PKHD1: variants seen among roughly 807,000 people sequenced by gnomAD.
PKHD1 encodes the protein fibrocystin.
In PKHD1, 291 loss-of-function variants were observed where a neutral mutation model predicts 412.0. The observed-to-expected ratio is 0.71, with a 90% CI of 0.64 to 0.78. The LOEUF (loss-of-function observed/expected upper bound fraction) is 0.78, where lower values mean the gene tolerates loss of function less well. Among genes scored for constraint, PKHD1 ranks in the 30% least tolerant of loss-of-function variants. PKHD1 has a pLI of 0.00. For missense variants in PKHD1, 4,825 were observed against 4,950.7 expected, an observed-to-expected ratio of 0.97 and a Z score of 0.76; for synonymous variants, 1,777 against 1,821.5, an observed-to-expected ratio of 0.98 and a Z score of 0.62.
chr6:51,916,263 A>G (rs1315032302), intron 37 of PKHD1, among the ~76,000 whole-genome samples: 1 of 152,182 alleles, frequency 6.6e-6, no homozygotes, highest in African/African-American at 2.4e-5. Context: ...TCAGATATAT[A>G]CCCAAGTGAG....
intron 60 of PKHD1, among the ~76,000 whole-genome samples, chr6:51,724,427 T>C (rs1355826569): frequency 6.6e-6 from 1 of 152,214 alleles, no homozygotes; most frequent in Non-Finnish European, 1.5e-5. Flanking sequence ...TCTTTGAATC[T>C]GATATTCTCT....
chr6:51,867,846 T>G lies in PKHD1; in HGVS notation c.7733+17A>C. The stretch of plus-strand genomic sequence containing the variant: ...ATGCCCATCGGCAAGCTAAAAAGTA[T>G]AGTTAATTCCACTTACAAACCAATA... On this transcript the variant is annotated intron_variant, in intron 48 of 66. Coordinates refer to ENST00000371117, the MANE Select transcript of PKHD1 (RefSeq NM_138694.4). 1 of 1,611,232 alleles carries G rather than the reference T, an allele frequency of 6.2e-7. No individual in the cohort carries two copies. The highest frequency in any genetic ancestry group is 1.1e-5 in the South Asian group (1 of 90,990).
In PKHD1 at chr6:51,617,783, G is replaced by A. The variant is rs1409694825; in HGVS notation, c.*1298C>T. 1 of 152,148 alleles carries A rather than the reference G, an allele frequency of 6.6e-6. No individual in the cohort carries two copies. The highest frequency in any genetic ancestry group is 1.5e-5 in the Non-Finnish European group (1 of 68,042). 9.4% of individuals were successfully genotyped at this position (152,148 alleles called of 1,614,324 possible). Reference sequence around the variant, plus strand: ...CAGTACTTCTCATAGAACTAATTCAGGGCATCATTATTTAGAATTCAGCAA... The same window carrying A: ...CAGTACTTCTCATAGAACTAATTCAAGGCATCATTATTTAGAATTCAGCAA... On this transcript the variant is annotated 3_prime_UTR_variant, in exon 67 of 67. Coordinates refer to ENST00000371117, the MANE Select transcript of PKHD1 (RefSeq NM_138694.4).
At chr6:51,929,413 T>G (rs562994620) in intron 37 of PKHD1, among the ~76,000 whole-genome samples, 2 of 152,314 alleles carry the variant, frequency 1.3e-5, no homozygotes, top group South Asian at 4.1e-4. Flanking sequence ...ATATAACAGA[T>G]AAAAGCAATA....
intron 55 of PKHD1, among the ~76,000 whole-genome samples, chr6:51,757,980 C>T (rs1258399717): frequency 6.9e-6 from 1 of 144,482 alleles, no homozygotes. Context: ...CACTGTACTC[C>T]AGCAGCCTGG....
intron 22 of PKHD1, among the ~76,000 whole-genome samples, chr6:52,049,483 C>A (rs1438914369): frequency 6.6e-6 from 1 of 152,048 alleles, no homozygotes; most frequent in African/African-American, 2.4e-5. Flanking sequence ...TATCCCTACA[C>A]CCACATATAC....
At chr6:51,895,948 C>T (rs967039096) in intron 43 of PKHD1, among the ~76,000 whole-genome samples, 33 of 151,082 alleles carry the variant, frequency 2.2e-4, no homozygotes, top group African/African-American at 7.3e-4. Context: ...CCGAATACTG[C>T]GCTTTTCCGA....
At position 51,627,107 on chromosome 6, in the gene PKHD1, G is replaced by A; in HGVS notation, c.11675C>T (p.Pro3892Leu). The A allele has an allele frequency of 1.2e-6, 2 of 1,611,744 alleles. No homozygotes were observed. The highest frequency in any genetic ancestry group is 1.7e-6 in the Non-Finnish European group (2 of 1,178,008). Residue 3892 changes from proline to leucine, a missense_variant, in exon 66 of 67, where the codon CCT becomes CTT. By Grantham distance (98) the Pro-to-Leu change is moderately conservative (BLOSUM62 -3). Coordinates refer to ENST00000371117, the MANE Select transcript of PKHD1 (RefSeq NM_138694.4). ...LKRSKSRKTKPEEIPESQTNN... is the reference protein window; with the variant it reads ...LKRSKSRKTKLEEIPESQTNN... ...AGTCTGGGATTCAGGAATCTCTTCA[G>A]GTTTTGTTTCTGTATTAATGGAGAA...
chr6:51,866,082 A>G (rs908505930), intron 48 of PKHD1, among the ~76,000 whole-genome samples: 1 of 152,082 alleles, frequency 6.6e-6, no homozygotes. Context: ...CAACATTTTG[A>G]GCAGCAAGAC....
intron 35 of PKHD1, among the ~76,000 whole-genome samples, chr6:51,994,006 T>G (rs1797374811): frequency 6.6e-6 from 1 of 152,216 alleles, no homozygotes. Flanking sequence ...TAGGAAAGAC[T>G]GGTTTCAACA....
At chr6:51,842,571 T>C (rs1283719021) in intron 50 of PKHD1, among the ~76,000 whole-genome samples, 1 of 152,168 alleles carries the variant, frequency 6.6e-6, no homozygotes, top group African/African-American at 2.4e-5. Context: ...AAGATTGTTT[T>C]CTCCACCCTT....
At chr6:51,916,243 T>C (rs1783789461) in intron 37 of PKHD1, among the ~76,000 whole-genome samples, 1 of 152,174 alleles carries the variant, frequency 6.6e-6, no homozygotes, top group African/African-American at 2.4e-5. Flanking sequence ...CAATCACTTG[T>C]AAACTCCCAT....
chr6:51,675,910 G>T (rs1039525332), intron 60 of PKHD1, among the ~76,000 whole-genome samples: 4 of 152,198 alleles, frequency 2.6e-5, no homozygotes, highest in Non-Finnish European at 4.4e-5. Flanking sequence ...GTGCATGTGT[G>T]CCTATGAGCA....
chr6:51,697,920 G>A (rs1321788021), intron 60 of PKHD1, among the ~76,000 whole-genome samples: 1 of 152,070 alleles, frequency 6.6e-6, no homozygotes, highest in Non-Finnish European at 1.5e-5. Context: ...TAAATACATT[G>A]CTGTTGGCAC....
chr6:51,663,631 T>C (rs551696703), intron 60 of PKHD1, among the ~76,000 whole-genome samples: 2 of 152,312 alleles, frequency 1.3e-5, no homozygotes, highest in South Asian at 4.1e-4. Flanking sequence ...TGTAATGTCC[T>C]TTTCAAAATT....
intron 60 of PKHD1, among the ~76,000 whole-genome samples, chr6:51,695,234 A>T (rs1778655015): frequency 6.6e-6 from 1 of 152,208 alleles, no homozygotes; most frequent in Non-Finnish European, 1.5e-5. Context: ...ATCTTGTTAA[A>T]TAAACATTAT....
At chr6:51,954,523 C>T (rs575048769) in intron 36 of PKHD1, among the ~76,000 whole-genome samples, 1 of 152,148 alleles carries the variant, frequency 6.6e-6, no homozygotes, top group South Asian at 2.1e-4. Context: ...TAAGCAGCAA[C>T]AGAGACTGGA....
At position 51,616,718 on chromosome 6, in the gene PKHD1, A is replaced by G; in HGVS notation, c.*2363T>C. On this transcript the variant is annotated 3_prime_UTR_variant, in exon 67 of 67. Transcript: ENST00000371117. ...GCTTTTCTGGGATGGAATTAGTAAG[A>G]TAATTATGGTTATTCCTACGCAGAG... 2.5e-6 allele frequency: 1 copy of G among 398,454 alleles called. No homozygotes were observed. The highest frequency in any genetic ancestry group is 4.4e-6 in the Non-Finnish European group (1 of 225,976). The allele number at this position is 398,454 out of a possible 1,614,324, so 24.7% of individuals were successfully genotyped here.
intron 60 of PKHD1, among the ~76,000 whole-genome samples, chr6:51,660,441 T>C (rs1452649201): frequency 6.6e-6 from 1 of 152,092 alleles, no homozygotes; most frequent in East Asian, 1.9e-4. Context: ...AACCAAATTC[T>C]GATACTAAAC....
Sources: allele counts gnomAD v4.1 joint callset (sites outside exome capture counted in the v4.1 genomes callset), GRCh38; gene constraint gnomAD v4.1.1; transcripts MANE v1.5; gene names NCBI Gene and HGNC (gene_info 2026-07-23, HGNC 2026-07-21).